The following EXOSC7 variants were observed in gnomAD, a reference collection of about 807,000 sequenced individuals.
EXOSC7 encodes the protein exosome complex component RRP42.
Under a neutral mutation model 34.3 loss-of-function variants are expected in EXOSC7, and 25 were observed. The ratio of observed to expected loss-of-function variants is 0.73; its 90% CI spans 0.53 to 1.02. The LOEUF (loss-of-function observed/expected upper bound fraction) is 1.02. Among genes scored for constraint, EXOSC7 ranks in the 50% least tolerant of loss-of-function variants. The pLI is 0.00. For missense variants in EXOSC7, 370 were observed against 368.5 expected (o/e 1.00, Z -0.03); for synonymous variants, 130 against 143.0 (o/e 0.91, Z 0.65).
chr3:44,998,039 G>GTTT (rs538691693), intron 4 of EXOSC7, among the ~76,000 whole-genome samples: 1 of 134,692 alleles, frequency 7.4e-6, no homozygotes, highest in East Asian at 2.1e-4. Flanking sequence ...TTGTTTTTTT[G>GTTT]TTTTTTTTTT....
intron 4 of EXOSC7, among the ~76,000 whole-genome samples, chr3:45,001,228 G>A (rs183691586): frequency 5.9e-5 from 9 of 152,224 alleles, no homozygotes; most frequent in Admixed American, 3.9e-4. Context: ...TGAGGTAGGC[G>A]GATCACTTTT....
chr3:44,984,786 C>G (rs1706363653), intron 1 of EXOSC7, among the ~76,000 whole-genome samples: 2 of 152,216 alleles, frequency 1.3e-5, no homozygotes, highest in Admixed American at 6.5e-5. Context: ...TGCACATTAT[C>G]TGGTATATAG....
intron 1 of EXOSC7, among the ~76,000 whole-genome samples, chr3:44,978,238 T>C (rs566412934): frequency 1.1e-4 from 17 of 152,328 alleles, no homozygotes; most frequent in African/African-American, 3.8e-4. Flanking sequence ...ATGGGAGGAT[T>C]GCTTGAGCCT....
chr3:44,989,779 T>A (rs957429383), intron 3 of EXOSC7, 135 bp downstream of exon 3: 9 of 663,704 alleles, frequency 1.4e-5, no homozygotes, highest in South Asian at 1.1e-4. Context: ...TTTGCTGACC[T>A]CCTCCTATGT....
intron 7 of EXOSC7, among the ~76,000 whole-genome samples, chr3:45,010,196 G>A (rs1417927550): frequency 2.0e-5 from 3 of 152,166 alleles, no homozygotes; most frequent in Non-Finnish European, 2.9e-5. Context: ...TGATTCTTGG[G>A]CCCAGAGACA....
At chr3:44,983,761 G>A (rs766910764) in intron 1 of EXOSC7, among the ~76,000 whole-genome samples, 2 of 147,344 alleles carry the variant, frequency 1.4e-5, no homozygotes, top group Non-Finnish European at 3.0e-5. Context: ...TCCTTTGCTC[G>A]TGACTGCTGC....
At chr3:44,990,540 A>G (rs543646848) in intron 3 of EXOSC7, among the ~76,000 whole-genome samples, 3 of 152,126 alleles carry the variant, frequency 2.0e-5, no homozygotes, top group Non-Finnish European at 4.4e-5. Context: ...TTGACCCTGT[A>G]TCAAGATCCC....
In EXOSC7 at chr3:45,010,831, A is replaced by G. The variant is rs563590179; in HGVS notation, c.772-404A>G. ...TTGGCATCATCTGTTTCTTCTCCAG[A>G]CAGACTCTGGATTCCCTGTGGTCTC... On this transcript the variant is annotated intron_variant, in intron 7 of 7. Coordinates refer to ENST00000265564, the MANE Select transcript of EXOSC7 (RefSeq NM_015004.4). 2.6e-5 allele frequency among the ~76,000 whole-genome samples: 4 copies of G among 152,252 alleles called. No homozygotes were observed. In the South Asian group the frequency reaches 6.2e-4, roughly 24 times the overall value.
intron 5 of EXOSC7, chr3:45,002,069 A>G (rs1461517789): frequency 1.3e-5 from 2 of 153,528 alleles, no homozygotes; most frequent in African/African-American, 4.8e-5. Flanking sequence ...AAGCAGGGTA[A>G]CAGGCTTCCC....
In EXOSC7 at chr3:45,005,558, G is replaced by A. The variant is rs1707012542; in HGVS notation, c.615+144G>A. 5.6e-6 allele frequency: 4 copies of A among 713,040 alleles called. No individual in the cohort carries two copies. In the South Asian group the frequency reaches 1.2e-4, roughly 21 times the overall value. 44.2% of individuals were successfully genotyped at this position (713,040 alleles called of 1,614,324 possible). On this transcript the variant is annotated intron_variant, in intron 6 of 7. Coordinates refer to ENST00000265564, the MANE Select transcript of EXOSC7 (RefSeq NM_015004.4). ...AGCTTTTACCCAAATCCAATAATTTGGTTATACTAGAAACCACTACCACGA... is the reference window on the plus strand; with the variant it reads ...AGCTTTTACCCAAATCCAATAATTTAGTTATACTAGAAACCACTACCACGA...
chr3:45,007,805 C>A (rs1289732849), intron 7 of EXOSC7, among the ~76,000 whole-genome samples: 1 of 152,126 alleles, frequency 6.6e-6, no homozygotes, highest in Non-Finnish European at 1.5e-5. Context: ...CATTAATTGT[C>A]CTCAGTAAGT....
At chr3:44,984,647 C>T (rs1428876475) in intron 1 of EXOSC7, among the ~76,000 whole-genome samples, 1 of 152,240 alleles carries the variant, frequency 6.6e-6, no homozygotes, top group Non-Finnish European at 1.5e-5. Flanking sequence ...GTGCTACTTA[C>T]TGGCTGTCTG....
At chr3:44,977,376 C>G (rs551748754) in intron 1 of EXOSC7, 1 of 152,342 alleles carries the variant, frequency 6.6e-6, no homozygotes, top group African/African-American at 2.4e-5. Context: ...CGTGATGTAG[C>G]CATCGGATTG....
chr3:44,987,663 C>A (rs1380168613), intron 1 of EXOSC7, among the ~76,000 whole-genome samples: 1 of 151,596 alleles, frequency 6.6e-6, no homozygotes, highest in Non-Finnish European at 1.5e-5. Flanking sequence ...AACTGGAAAA[C>A]AGTATTTTGC....
chr3:44,986,628 G>A (rs1706425152), intron 1 of EXOSC7, among the ~76,000 whole-genome samples: 1 of 152,262 alleles, frequency 6.6e-6, no homozygotes, highest in Non-Finnish European at 1.5e-5. Context: ...GCAAGCGAGG[G>A]CTGTGAGGGC....
At chr3:45,002,913 C>T (rs1024340952) in intron 5 of EXOSC7, among the ~76,000 whole-genome samples, 3 of 152,168 alleles carry the variant, frequency 2.0e-5, no homozygotes, top group African/African-American at 7.2e-5. Flanking sequence ...TGCTCGGGCC[C>T]TGTTGGGGAA....
At chr3:44,991,735 T>G (rs146522320) in intron 3 of EXOSC7, among the ~76,000 whole-genome samples, 1 of 152,296 alleles carries the variant, frequency 6.6e-6, no homozygotes, top group East Asian at 1.9e-4. Flanking sequence ...AGATCTGGCT[T>G]CTAGAAGTAG....
Position 45,005,324 on chromosome 3 carries a change from G to A in EXOSC7, c.525G>A (p.Glu175=). 7 of 1,614,090 alleles carry A rather than the reference G, an allele frequency of 4.3e-6. No homozygotes were observed. The highest frequency in any genetic ancestry group is 5.9e-6 in the Non-Finnish European group (7 of 1,179,978). ...IPRVRVLEDE[E]GSKDIELSDD... is the part of the protein sequence containing the mutation. Reference sequence around the variant, plus strand: ...GGGTTCGAGTTTTGGAGGATGAAGAGGGGTCGAAGGACATTGAATTGTCAG... The same window carrying A: ...GGGTTCGAGTTTTGGAGGATGAAGAAGGGTCGAAGGACATTGAATTGTCAG... Residue 175 remains glutamate (E), a synonymous_variant, in exon 6 of 8, where the codon GAG becomes GAA. Transcript: ENST00000265564.
chr3:44,994,856 G>GGTGTGTGTGTGTGTGT (rs34579096), intron 3 of EXOSC7, among the ~76,000 whole-genome samples: 6 of 134,864 alleles, frequency 4.4e-5, no homozygotes, highest in African/African-American at 1.1e-4. Flanking sequence ...TGGAAGAATG[G>GGTGTGTGTGTGTGTGT]GTGTGTGTGT....
Sources: allele counts gnomAD v4.1 joint callset (sites outside exome capture counted in the v4.1 genomes callset), GRCh38; gene constraint gnomAD v4.1.1; transcripts MANE v1.5; gene names NCBI Gene and HGNC (gene_info 2026-07-23, HGNC 2026-07-21).